Variants in PHACTR2 observed in about 807,000 individuals in gnomAD.
PHACTR2 encodes chromosome 6 open reading frame 56.
PHACTR2 carries 30 observed loss-of-function variants against 76.0 expected under a neutral mutation model. The observed-to-expected ratio is 0.39, with a 90% CI of 0.30 to 0.54. The LOEUF (loss-of-function observed/expected upper bound fraction) is 0.54, where lower values mean the gene tolerates loss of function less well. Among genes scored for constraint, PHACTR2 ranks in the 20% least tolerant of loss-of-function variants. PHACTR2 has a pLI of 0.61. For synonymous variants in PHACTR2, 292 were observed against 292.5 expected (o/e 1.00, Z 0.02); for missense variants, 696 against 781.1 (o/e 0.89, Z 1.30).
At position 143,549,012 on chromosome 6, in the gene PHACTR2, G is replaced by C. The variant is rs1775048314; in HGVS notation, c.217+11805G>C. On this transcript the variant is annotated intron_variant, in intron 1 of 11. Coordinates refer to the PHACTR2 transcript ENST00000367584. The surrounding 1 kb of genome is among the most constrained non-coding windows in gnomAD (Gnocchi z 4.2). ...ACCTGTGGCTTGAGGAGTATAAAGA[G>C]TACAGGGAAGAAGGCTTGGCCATGA... is the stretch of plus-strand genomic sequence containing the variant. Among the ~76,000 whole-genome samples, 1 of 151,838 alleles carries C rather than the reference G, an allele frequency of 6.6e-6. No homozygotes were observed. The highest frequency in any genetic ancestry group is 2.4e-5 in the African/African-American group (1 of 41,368).
Position 143,616,144 on chromosome 6 carries a change from A to T in PHACTR2, c.13+7822A>T, listed in dbSNP as rs2128438828. ...AGCTCTTTTATTATTTTTATAGATA[A>T]TTCCCAACATCCAGCTATCTCCCCA... On this transcript the variant is annotated intron_variant, in intron 1 of 11. Transcript: ENST00000305766. The surrounding 1 kb of genome is among the most constrained non-coding windows in gnomAD (Gnocchi z 4.9). Among the ~76,000 whole-genome samples the T allele has an allele frequency of 6.6e-6, 1 of 152,292 alleles. No homozygotes were observed. The highest frequency in any genetic ancestry group is 2.1e-4 in the South Asian group (1 of 4,830).
intron 1 of PHACTR2, among the ~76,000 whole-genome samples, chr6:143,631,167 G>A (rs1215379308): frequency 6.6e-6 from 1 of 152,090 alleles, no homozygotes; most frequent in Non-Finnish European, 1.5e-5. Context: ...CCTTCTAGTA[G>A]AAAGCATTCT....
chr6:143,712,224 A>G, intron 2 of PHACTR2, 41 bp downstream of exon 2: 1 of 1,287,042 alleles, frequency 7.8e-7, no homozygotes, highest in East Asian at 2.7e-5. Flanking sequence ...GATAAATTGT[A>G]AAACGTTTTA....
intron 1 of PHACTR2, among the ~76,000 whole-genome samples, chr6:143,631,424 C>T (rs1776361514): frequency 6.6e-6 from 1 of 152,060 alleles, no homozygotes; most frequent in Non-Finnish European, 1.5e-5. Context: ...AAACTCATGG[C>T]CTCAGACAAT....
intron 1 of PHACTR2, among the ~76,000 whole-genome samples, chr6:143,706,430 T>G (rs1206934851): frequency 6.6e-6 from 1 of 152,200 alleles, no homozygotes; most frequent in African/African-American, 2.4e-5. Context: ...TATCTATCTG[T>G]CTACCTGGGC....
intron 4 of PHACTR2, among the ~76,000 whole-genome samples, chr6:143,756,701 A>C (rs1411644011): frequency 1.5e-5 from 1 of 68,360 alleles, no homozygotes; most frequent in Non-Finnish European, 2.7e-5. Context: ...TCCGTCTCAA[A>C]AAAAAAAAAA....
chr6:143,601,462 G>C (rs1038011428), intron 1 of PHACTR2, among the ~76,000 whole-genome samples: 3 of 152,098 alleles, frequency 2.0e-5, no homozygotes, highest in Non-Finnish European at 2.9e-5. Context: ...GTACAATGCT[G>C]GGCTAAGGCA....
intron 12 of PHACTR2, among the ~76,000 whole-genome samples, chr6:143,817,164 A>T (rs1025134522): frequency 6.6e-6 from 1 of 150,886 alleles, no homozygotes; most frequent in Non-Finnish European, 1.5e-5. Context: ...TCCCACAGAC[A>T]TTACCAATGG....
rs1185873294 is a variant in PHACTR2, at chr6:143,608,595, T to A, written c.13+273T>A. 6.6e-6 allele frequency among the ~76,000 whole-genome samples: 1 copy of A among 152,226 alleles called. No individual in the cohort carries two copies. On this transcript the variant is annotated intron_variant, in intron 1 of 11. Coordinates refer to the PHACTR2 transcript ENST00000305766. This position sits in a 1 kb window ranked among gnomAD's most constrained non-coding sequence, Gnocchi z 4.6. The stretch of plus-strand genomic sequence containing the variant: ...TGAAGCAAGTGTGGTGTTTGATTCT[T>A]TTGTGCTCAGAGCGATGGGTGGAAA...
intron 1 of PHACTR2, among the ~76,000 whole-genome samples, chr6:143,665,793 AG>A (rs1380576346): frequency 3.9e-5 from 6 of 152,204 alleles, no homozygotes; most frequent in Non-Finnish European, 7.3e-5. Context: ...TTAAAACAAA[AG>A]CCAGATCATG....
At chr6:143,628,433 T>C (rs1439012570) in intron 1 of PHACTR2, among the ~76,000 whole-genome samples, 1 of 152,206 alleles carries the variant, frequency 6.6e-6, no homozygotes, top group East Asian at 1.9e-4. Flanking sequence ...ATCTGTTTCC[T>C]TGCCTTTACC....
rs565432264 is a variant in PHACTR2 at position 143,826,027 on chromosome 6, T to A, written c.*2338T>A. On this transcript the variant is annotated 3_prime_UTR_variant, in exon 13 of 13. Coordinates refer to ENST00000440869, the MANE Select transcript of PHACTR2 (RefSeq NM_001100164.2). ...CACTAATCGATACATTTAGAAAAAA[T>A]TTTCTAAGTTAGAGACAAGTTTAAA... 2.0e-5 allele frequency: 3 copies of A among 151,470 alleles called. No individual in the cohort carries two copies. The highest frequency in any genetic ancestry group is 4.2e-4 in the South Asian group (2 of 4,762). 9.4% of individuals were successfully genotyped at this position (151,470 alleles called of 1,614,324 possible).
Position 143,777,364 on chromosome 6 carries a change from G to A in PHACTR2, c.1626G>A (p.Glu542=). 1.3e-6 allele frequency: 2 copies of A among 1,597,556 alleles called. No individual in the cohort carries two copies. Among genetic ancestry groups the A allele is most frequent in the African/African-American group, 1.3e-5 (1 of 74,662 alleles). The change falls in exon 9 of 13, where the codon GAG becomes GAA. Residue 542 remains glutamate, a synonymous_variant. Transcript: ENST00000440869. This position sits in a 1 kb window ranked among gnomAD's most constrained non-coding sequence, Gnocchi z 4.6. ...LSQRPTTEEL[E]QRNILKQKNE... is the part of the protein sequence containing the mutation. ...AGAGGCCCACAACTGAAGAATTAGA[G>A]CAAAGAAACATCCTAAAACGTGAGT...
intron 1 of PHACTR2, among the ~76,000 whole-genome samples, chr6:143,661,023 A>G (rs1776938414): frequency 6.6e-6 from 1 of 152,184 alleles, no homozygotes; most frequent in South Asian, 2.1e-4. Context: ...GTAAAGTCTC[A>G]CTCTTCAAAT....
intron 2 of PHACTR2, among the ~76,000 whole-genome samples, chr6:143,744,592 C>T (rs1779013927): frequency 6.6e-6 from 1 of 152,122 alleles, no homozygotes; most frequent in Admixed American, 6.5e-5. Context: ...TGGAGTGAGT[C>T]TAGCAGTTGT....
chr6:143,772,766 T>C lies in PHACTR2; in HGVS notation c.1432+309T>C, dbSNP rs560970833. Reference sequence around the variant, plus strand: ...CTAATAACAGAGACCTTTCTCACTATGACCAAAGAGAGCCCTTCCACTCTG... The same window carrying C: ...CTAATAACAGAGACCTTTCTCACTACGACCAAAGAGAGCCCTTCCACTCTG... On this transcript the variant is annotated intron_variant, in intron 7 of 12. Coordinates refer to ENST00000440869, the MANE Select transcript of PHACTR2 (RefSeq NM_001100164.2). This position sits in a 1 kb window ranked among gnomAD's most constrained non-coding sequence, Gnocchi z 5.4. Among the ~76,000 whole-genome samples, 4 of 152,346 alleles carry C rather than the reference T, an allele frequency of 2.6e-5. No homozygotes were observed. Among genetic ancestry groups the C allele is most frequent in the South Asian group, 2.1e-4 (1 of 4,828 alleles).
At chr6:143,575,390 G>T (rs559578471) in intron 1 of PHACTR2, among the ~76,000 whole-genome samples, 1 of 152,210 alleles carries the variant, frequency 6.6e-6, no homozygotes, top group Non-Finnish European at 1.5e-5. Context: ...ACCTGGAAAT[G>T]TTATAATGTG....
chr6:143,644,562 A>G (rs555037225), intron 1 of PHACTR2, among the ~76,000 whole-genome samples: 65 of 151,022 alleles, frequency 4.3e-4, no homozygotes, highest in African/African-American at 1.6e-3. Flanking sequence ...GGACTCATGT[A>G]TATTTTAGGC....
chr6:143,657,118 C>A (rs757766577), intron 1 of PHACTR2, among the ~76,000 whole-genome samples: 11 of 151,996 alleles, frequency 7.2e-5, no homozygotes, highest in Non-Finnish European at 1.5e-4. Flanking sequence ...AGCATTAAGA[C>A]AAATACCGAA....
Sources: allele counts gnomAD v4.1 joint callset (sites outside exome capture counted in the v4.1 genomes callset), GRCh38; gene constraint gnomAD v4.1.1; non-coding constraint Gnocchi (gnomAD v3.1); transcripts MANE v1.5; gene names NCBI Gene and HGNC (gene_info 2026-07-23, HGNC 2026-07-21).